Variants in SHROOM1 observed in about 807,000 individuals in gnomAD.
SHROOM1 encodes the protein protein Shroom1.
Under a neutral mutation model 64.2 loss-of-function variants are expected in SHROOM1, and 53 were observed. The ratio of observed to expected loss-of-function variants is 0.83; its 90% CI spans 0.66 to 1.04. SHROOM1 has a LOEUF of 1.04. Ranked by LOEUF, SHROOM1 falls within the 50% of genes least tolerant of loss-of-function variation. SHROOM1 has a pLI of 0.00. For missense variants in SHROOM1, 1,179 were observed against 1,163.2 expected, an observed-to-expected ratio of 1.01 and a Z score of -0.20; for synonymous variants, 490 against 518.9, an observed-to-expected ratio of 0.94 and a Z score of 0.76.
In SHROOM1 at chr5:132,824,996, CAG is replaced by C; in HGVS notation, c.1034+20_1034+21del. 1 of 1,613,564 alleles carries C rather than the reference CAG, an allele frequency of 6.2e-7. No homozygotes were observed. Among genetic ancestry groups the C allele is most frequent in the Non-Finnish European group, 8.5e-7 (1 of 1,179,800 alleles). ...CAAGCTGCTTCCCCCCAACTTGGTCCAGAGTGGTCCGTGTCTCTCACCTGGAA... is the reference window on the plus strand; with the variant it reads ...CAAGCTGCTTCCCCCCAACTTGGTCCAGTGGTCCGTGTCTCTCACCTGGAA... On this transcript the variant is annotated intron_variant, in intron 5 of 9. Transcript: ENST00000378679.
chr5:132,826,223 G>A (rs981137434), intron 3 of SHROOM1, 41 bp from the exon 4 acceptor site: 4 of 1,266,690 alleles, frequency 3.2e-6, no homozygotes, highest in African/African-American at 3.1e-5. Context: ...GGAGCTCCGG[G>A]TGAGGGCTGG....
At position 132,830,360 on chromosome 5, in the gene SHROOM1, C is replaced by G. The variant is rs1758808962; in HGVS notation, c.-501+234G>C. The G allele has an allele frequency of 6.1e-6, 6 of 985,064 alleles. No individual in the cohort carries two copies. The South Asian group carries it at 2.8e-4, about 46-fold the overall frequency. 61.0% of individuals were successfully genotyped at this position (985,064 alleles called of 1,614,324 possible). A position where few individuals can be genotyped will look rare whatever the true frequency, so the allele number is the denominator to read the frequency against. On this transcript the variant is annotated intron_variant, in intron 1 of 9. Coordinates refer to ENST00000378679, the MANE Select transcript of SHROOM1 (RefSeq NM_001172700.2). This position sits in a 1 kb window ranked among gnomAD's most constrained non-coding sequence, Gnocchi z 5.9. Reference sequence around the variant, plus strand: ...GCCGCGCCGCCAGCTTAGAGTGGGCCGCCTCTCCGCCCTGCAGCTCTGCAG... The same window carrying G: ...GCCGCGCCGCCAGCTTAGAGTGGGCGGCCTCTCCGCCCTGCAGCTCTGCAG...
chr5:132,823,501 G>T lies in SHROOM1; in HGVS notation c.1975C>A (p.Gln659Lys). ...GKKVELAARL[Q>K]KMLQDLHTEQ... ...GTGTGAAGGTCCTGAAGCATCTTTTGGAGGCGGGCGGCCAGCTCCACCTAC... is the reference window on the plus strand; with the variant it reads ...GTGTGAAGGTCCTGAAGCATCTTTTTGAGGCGGGCGGCCAGCTCCACCTAC... Residue 659 changes from glutamine (Q) to lysine (K), a missense_variant, in exon 9 of 10, where the codon CAA becomes AAA. Gln to Lys is a moderately conservative substitution (Grantham distance 53). Transcript: ENST00000378679. The surrounding 1 kb of genome is among the most constrained non-coding windows in gnomAD (Gnocchi z 4.6). The T allele has an allele frequency of 6.2e-7, 1 of 1,602,216 alleles. No homozygotes were observed. Among genetic ancestry groups the T allele is most frequent in the Non-Finnish European group, 8.5e-7 (1 of 1,171,190 alleles).
chr5:132,824,094 C>T lies in SHROOM1; in HGVS notation c.1567G>A (p.Ala523Thr), dbSNP rs772132252. 85 of 1,613,752 alleles carry T rather than the reference C, an allele frequency of 5.3e-5. No individual in the cohort carries two copies. Among genetic ancestry groups the T allele is most frequent in the Middle Eastern group, 3.3e-4 (2 of 6,084 alleles). ...NDTPGPSHNT[A>T]LARGTGQPGS... ...GGCTGGCCAGTGCCCCTGGCTAGGG[C>T]AGTATTGTGAGAGGGACCTGGAGTA... The change falls in exon 7 of 10, where the codon GCC (alanine) becomes ACC (threonine). Residue 523 changes from alanine to threonine, a missense_variant. Ala to Thr is a moderately conservative substitution (Grantham distance 58). Coordinates refer to ENST00000378679, the MANE Select transcript of SHROOM1 (RefSeq NM_001172700.2).
rs776273526 is a variant in SHROOM1, at chr5:132,822,950, T to A, written c.2405A>T (p.Gln802Leu). ...LLAGKAAVLA[Q>L]QRNLDERIRL... ...GATGCGCTCGTCCAGGTTGCGCTGC[T>A]GGGCCAGGACGGCGGCCTTGCCCGC... The change falls in exon 10 of 10, where the codon CAG becomes CTG. Residue 802 changes from glutamine to leucine, a missense_variant. Gln to Leu is a moderately radical substitution (Grantham distance 113). Coordinates refer to ENST00000378679, the MANE Select transcript of SHROOM1 (RefSeq NM_001172700.2). 1.2e-6 allele frequency: 2 copies of A among 1,612,052 alleles called. No homozygotes were observed. The highest frequency in any genetic ancestry group is 2.2e-5 in the South Asian group (2 of 91,076).
rs1314764730 is a variant in SHROOM1, at chr5:132,825,551, T to C, written c.590A>G (p.Glu197Gly). The C allele has an allele frequency of 1.4e-6, 2 of 1,419,786 alleles. No individual in the cohort carries two copies. Among genetic ancestry groups the C allele is most frequent in the Non-Finnish European group, 1.8e-6 (2 of 1,094,908 alleles). 87.9% of individuals were successfully genotyped at this position (1,419,786 alleles called of 1,614,324 possible). A position where few individuals can be genotyped will look rare whatever the true frequency, so the allele number is the denominator to read the frequency against. ...CGCGGGAGCCCGGGAGCGCGCCGGCTCCCCCTCCCCGCCCGGGTGGCTGAG... is the reference window on the plus strand; with the variant it reads ...CGCGGGAGCCCGGGAGCGCGCCGGCCCCCCCTCCCCGCCCGGGTGGCTGAG... ...ASLSHPGGEG[E>G]PARSRAPAPG... Residue 197 changes from glutamate to glycine, a missense_variant, in exon 4 of 10, where the codon GAG becomes GGG. Glu to Gly is a moderately conservative substitution (Grantham distance 98). Coordinates refer to ENST00000378679, the MANE Select transcript of SHROOM1 (RefSeq NM_001172700.2). The surrounding 1 kb of genome is among the most constrained non-coding windows in gnomAD (Gnocchi z 5.1).
rs767479810 is a variant in SHROOM1, at chr5:132,823,914, G to A, written c.1747C>T (p.Arg583Trp). Residue 583 changes from arginine (R) to tryptophan (W), a missense_variant, in exon 7 of 10, where the codon CGG becomes TGG. Physicochemically the swap from Arg to Trp is moderately radical, Grantham distance 101. Coordinates refer to ENST00000378679, the MANE Select transcript of SHROOM1 (RefSeq NM_001172700.2). This position sits in a 1 kb window ranked among gnomAD's most constrained non-coding sequence, Gnocchi z 4.6. ...CCACAGGCAGGCCGCATTGCAGCCCGGACCTCTGCTAAAGGAATCAGTCCA... is the reference window on the plus strand; with the variant it reads ...CCACAGGCAGGCCGCATTGCAGCCCAGACCTCTGCTAAAGGAATCAGTCCA... ...LDGLIPLAEV[R>W]AAMRPACGEA... The A allele has an allele frequency of 6.4e-6, 10 of 1,556,614 alleles. No individual in the cohort carries two copies. The highest frequency in any genetic ancestry group is 2.5e-5 in the South Asian group (2 of 79,830).
Position 132,825,932 on chromosome 5 carries a change from G to A in SHROOM1, c.209C>T (p.Pro70Leu), listed in dbSNP as rs987446205. 39 of 1,383,516 alleles carry A rather than the reference G, an allele frequency of 2.8e-5. No homozygotes were observed. Among genetic ancestry groups the A allele is most frequent in the Non-Finnish European group, 3.5e-5 (37 of 1,061,380 alleles). The allele number at this position is 1,383,516 out of a possible 1,614,324, so 85.7% of individuals were successfully genotyped here. The change falls in exon 4 of 10, where the codon CCG (proline) becomes CTG (leucine). Residue 70 changes from proline (P) to leucine (L), a missense_variant. By Grantham distance (98) the Pro-to-Leu change is moderately conservative (BLOSUM62 -3). Coordinates refer to ENST00000378679, the MANE Select transcript of SHROOM1 (RefSeq NM_001172700.2). This position sits in a 1 kb window ranked among gnomAD's most constrained non-coding sequence, Gnocchi z 5.1. ...WDYVRVVWGGPGPAPPDAALC... is the reference protein window; with the variant it reads ...WDYVRVVWGGLGPAPPDAALC... The stretch of plus-strand genomic sequence containing the variant: ...GGCAGCGTCGGGCGGGGCGGGGCCC[G>A]GGCCGCCCCAAACCACACGCACGTA...
chr5:132,822,465 G>A lies in SHROOM1; in HGVS notation c.*331C>T, dbSNP rs913348517. ...TGCAAGCTCCACCTCCCAGGTTCACGCCATTCTCCTGCCTCAGCCTTCCGA... is the reference window on the plus strand; with the variant it reads ...TGCAAGCTCCACCTCCCAGGTTCACACCATTCTCCTGCCTCAGCCTTCCGA... On this transcript the variant is annotated 3_prime_UTR_variant, in exon 10 of 10. Transcript: ENST00000378679. The A allele has an allele frequency of 2.7e-5, 5 of 186,948 alleles. No homozygotes were observed. In the East Asian group the frequency reaches 5.0e-4, roughly 19 times the overall value. 11.6% of individuals were successfully genotyped at this position (186,948 alleles called of 1,614,324 possible). A position where few individuals can be genotyped will look rare whatever the true frequency, so the allele number is the denominator to read the frequency against.
chr5:132,823,676 G>C lies in SHROOM1; in HGVS notation c.1900C>G (p.Gln634Glu). ...ENPATHPVLD[Q>E]PCGQGLPAPN... The stretch of plus-strand genomic sequence containing the variant: ...GCAGGGAGCCCCTGCCCACATGGCT[G>C]GTCAAGCACAGGGTGGGTGGCAGGG... Residue 634 changes from glutamine (Q) to glutamate (E), a missense_variant, in exon 8 of 10, where the codon CAG becomes GAG. Gln to Glu is a conservative substitution (Grantham distance 29). Transcript: ENST00000378679. The surrounding 1 kb of genome is among the most constrained non-coding windows in gnomAD (Gnocchi z 4.6). 3 of 1,611,476 alleles carry C rather than the reference G, an allele frequency of 1.9e-6. No homozygotes were observed. Among genetic ancestry groups the C allele is most frequent in the Middle Eastern group, 3.3e-4 (2 of 6,054 alleles).
chr5:132,830,449 C>T lies in SHROOM1; in HGVS notation c.-501+145G>A, dbSNP rs370679889. On this transcript the variant is annotated intron_variant, in intron 1 of 9. Transcript: ENST00000378679. The surrounding 1 kb of genome is among the most constrained non-coding windows in gnomAD (Gnocchi z 5.9). ...ACCTGACGCGGCGCCGAGCCAGACACGTCCCGGCCGAACGATGCCCGGGCT... is the reference window on the plus strand; with the variant it reads ...ACCTGACGCGGCGCCGAGCCAGACATGTCCCGGCCGAACGATGCCCGGGCT... 203 of 985,040 alleles carry T rather than the reference C, an allele frequency of 2.1e-4. 1 individual carries two copies. In the East Asian group the frequency reaches 0.017, roughly 81 times the overall value. The allele number at this position is 985,040 out of a possible 1,614,324, so 61.0% of individuals were successfully genotyped here.
Position 132,830,568 on chromosome 5 carries a change from C to G in SHROOM1, c.-501+26G>C, listed in dbSNP as rs1053423607. 1.0e-6 allele frequency: 1 copy of G among 985,530 alleles called. No individual in the cohort carries two copies. Among genetic ancestry groups the G allele is most frequent in the Non-Finnish European group, 1.2e-6 (1 of 829,888 alleles). The allele number at this position is 985,530 out of a possible 1,614,324, so 61.0% of individuals were successfully genotyped here. A position where few individuals can be genotyped will look rare whatever the true frequency, so the allele number is the denominator to read the frequency against. On this transcript the variant is annotated intron_variant, in intron 1 of 9. Transcript: ENST00000378679. This position sits in a 1 kb window ranked among gnomAD's most constrained non-coding sequence, Gnocchi z 5.9. Reference sequence around the variant, plus strand: ...GGGAAGCGGACCCAGCCGCCCGCTTCCCGCTCCCCCGCCCCCGCCGCGTAC... The same window carrying G: ...GGGAAGCGGACCCAGCCGCCCGCTTGCCGCTCCCCCGCCCCCGCCGCGTAC...
Position 132,825,373 on chromosome 5 carries a change from C to G in SHROOM1, c.768G>C (p.Glu256Asp). 1.3e-6 allele frequency: 2 copies of G among 1,598,230 alleles called. No individual in the cohort carries two copies. Among genetic ancestry groups the G allele is most frequent in the Non-Finnish European group, 1.7e-6 (2 of 1,178,762 alleles). Residue 256 changes from glutamate to aspartate, a missense_variant, in exon 4 of 10, where the codon GAG becomes GAC. Transcript: ENST00000378679. This position sits in a 1 kb window ranked among gnomAD's most constrained non-coding sequence, Gnocchi z 5.1. Reference sequence around the variant, plus strand: ...GCGCCGGATGCTGGAACTCCAAGGGCTCGGGCCCAGGGAGGCCAGAGCTGG... The same window carrying G: ...GCGCCGGATGCTGGAACTCCAAGGGGTCGGGCCCAGGGAGGCCAGAGCTGG... ...ACSSSGLPGP[E>D]PLEFQHPALA... is the part of the protein sequence containing the mutation.
chr5:132,822,351 C>CATTTTTTTTTTT lies in SHROOM1; in HGVS notation c.*444_*445insAAAAAAAAAAAT, dbSNP rs1758468931. On this transcript the variant is annotated 3_prime_UTR_variant, in exon 10 of 10. Transcript: ENST00000378679. ...ACATGAGAACACTTTGGAGAAGTAT[C>CATTTTTTTTTTT]TTTTTTTTTTTTTTTTTTTTTTTTT... The CATTTTTTTTTTT allele has an allele frequency of 1.7e-5, 1 of 58,642 alleles. No homozygotes were observed. The highest frequency in any genetic ancestry group is 3.0e-5 in the Non-Finnish European group (1 of 33,844). The allele number at this position is 58,642 out of a possible 1,614,324, so 3.6% of individuals were successfully genotyped here.
rs539676507 is a variant in SHROOM1, at chr5:132,822,593, G to C, written c.*203C>G. On this transcript the variant is annotated 3_prime_UTR_variant, in exon 10 of 10. Coordinates refer to ENST00000378679, the MANE Select transcript of SHROOM1 (RefSeq NM_001172700.2). Reference sequence around the variant, plus strand: ...TTAGCCAGGATGGTCTCGATCTCCTGACCTTGTGATCCGCCCGCCTCGGCC... The same window carrying C: ...TTAGCCAGGATGGTCTCGATCTCCTCACCTTGTGATCCGCCCGCCTCGGCC... 2.5e-5 allele frequency: 14 copies of C among 561,002 alleles called. No individual in the cohort carries two copies. Among genetic ancestry groups the C allele is most frequent in the South Asian group, 2.0e-4 (9 of 45,070 alleles). 34.8% of individuals were successfully genotyped at this position (561,002 alleles called of 1,614,324 possible).
chr5:132,823,112 C>T lies in SHROOM1; in HGVS notation c.2243G>A (p.Arg748Gln), dbSNP rs1222686207. 1 of 1,574,366 alleles carries T rather than the reference C, an allele frequency of 6.4e-7. No homozygotes were observed. Among genetic ancestry groups the T allele is most frequent in the East Asian group, 2.3e-5 (1 of 44,108 alleles). ...CTCCTGCCGCTGCAGGAGCCGGAGT[C>T]GCTGCAGCAGGGAGGCCTTGAGCCG... ...DPDEQASLLQ[R>Q]LRLLQRQEED... is the part of the protein sequence containing the mutation. Residue 748 changes from arginine (R) to glutamine (Q), a missense_variant, in exon 10 of 10, where the codon CGA (arginine) becomes CAA (glutamine). Coordinates refer to ENST00000378679, the MANE Select transcript of SHROOM1 (RefSeq NM_001172700.2). The surrounding 1 kb of genome is among the most constrained non-coding windows in gnomAD (Gnocchi z 4.6).
chr5:132,830,357 G>T lies in SHROOM1; in HGVS notation c.-501+237C>A, dbSNP rs116520673. ...TGAGCCGCGCCGCCAGCTTAGAGTGGGCCGCCTCTCCGCCCTGCAGCTCTG... is the reference window on the plus strand; with the variant it reads ...TGAGCCGCGCCGCCAGCTTAGAGTGTGCCGCCTCTCCGCCCTGCAGCTCTG... On this transcript the variant is annotated intron_variant, in intron 1 of 9. Coordinates refer to ENST00000378679, the MANE Select transcript of SHROOM1 (RefSeq NM_001172700.2). The surrounding 1 kb of genome is among the most constrained non-coding windows in gnomAD (Gnocchi z 5.9). The T allele has an allele frequency of 2.3e-3, 2,235 of 985,054 alleles. 39 individuals are homozygous for T. In the African/African-American group the frequency reaches 0.035, roughly 15 times the overall value. The allele number at this position is 985,054 out of a possible 1,614,324, so 61.0% of individuals were successfully genotyped here. A position where few individuals can be genotyped will look rare whatever the true frequency, so the allele number is the denominator to read the frequency against.
chr5:132,823,962 C>T lies in SHROOM1; in HGVS notation c.1699G>A (p.Glu567Lys). The T allele has an allele frequency of 6.2e-7, 1 of 1,600,570 alleles. No individual in the cohort carries two copies. The highest frequency in any genetic ancestry group is 8.5e-7 in the Non-Finnish European group (1 of 1,173,490). ...CCATCCAGCAGGCCCAGGGGTGGCT[C>T]TGGGCTGGGCTGGGAAGCAAGAGGG... The part of the protein sequence containing the change: ...CDPLASQPSP[E>K]PPLGLLDGLI... The change falls in exon 7 of 10, where the codon GAG becomes AAG. Residue 567 changes from glutamate to lysine, a missense_variant. Glu to Lys is a moderately conservative substitution (Grantham distance 56). Coordinates refer to ENST00000378679, the MANE Select transcript of SHROOM1 (RefSeq NM_001172700.2). This position sits in a 1 kb window ranked among gnomAD's most constrained non-coding sequence, Gnocchi z 4.6.
chr5:132,825,356 T>A lies in SHROOM1; in HGVS notation c.785A>T (p.His262Leu), dbSNP rs369587593. 81 of 1,600,894 alleles carry A rather than the reference T, an allele frequency of 5.1e-5. No homozygotes were observed. Among genetic ancestry groups the A allele is most frequent in the Non-Finnish European group, 6.7e-5 (79 of 1,179,154 alleles). Reference protein sequence around the residue: ...LPGPEPLEFQHPALAKFEDHE... With the variant: ...LPGPEPLEFQLPALAKFEDHE... ...ATCTTCAAACTTAGCCAGCGCCGGA[T>A]GCTGGAACTCCAAGGGCTCGGGCCC... The change falls in exon 4 of 10, where the codon CAT (histidine) becomes CTT (leucine). Residue 262 changes from histidine (H) to leucine (L), a missense_variant. Transcript: ENST00000378679. The surrounding 1 kb of genome is among the most constrained non-coding windows in gnomAD (Gnocchi z 5.1).
Sources: gnomAD v4.1 joint callset for allele counts on GRCh38, gnomAD v4.1.1 for gene constraint, Gnocchi (gnomAD v3.1) non-coding constraint, MANE v1.5 for transcripts, NCBI Gene and HGNC (gene_info 2026-07-23, HGNC 2026-07-21) for gene names.